The following CELA3B variants were observed in gnomAD, a reference collection of about 807,000 sequenced individuals.
CELA3B encodes chymotrypsin like elastase 3B, also known as chymotrypsin-like elastase family member 3B.
A neutral mutation model predicts 37.2 loss-of-function variants in CELA3B; 34 were observed. That is an observed-to-expected ratio of 0.91 (90% CI 0.70 to 1.22). The LOEUF (loss-of-function observed/expected upper bound fraction) is 1.22. Ranked by LOEUF, CELA3B falls within the 50% of genes most tolerant of loss-of-function variation. CELA3B has a pLI of 0.00. For missense variants in CELA3B, 340 were observed against 363.1 expected (o/e 0.94, Z 0.52); for synonymous variants, 127 against 143.5 (o/e 0.89, Z 0.82).
chr1:21,981,089 G>A lies in CELA3B; in HGVS notation c.279G>A (p.Lys93=), dbSNP rs115521366. Residue 93 remains lysine (K), a synonymous_variant, in exon 4 of 8, where the codon AAG becomes AAA. Coordinates refer to ENST00000337107, the MANE Select transcript of CELA3B (RefSeq NM_007352.4). ...TGGGCGAGTACGACCGTGCTGTGAA[G>A]GAGGGCCCCGAGCAGGTGATCCCCA... ...VVLGEYDRAV[K]EGPEQVIPIN... 3.1e-6 allele frequency: 5 copies of A among 1,613,794 alleles called. No individual in the cohort carries two copies. The highest frequency in any genetic ancestry group is 4.5e-5 in the East Asian group (2 of 44,878).
At chr1:21,983,644 A>G in intron 4 of CELA3B, 50 bp from the exon 5 acceptor site, 1 of 1,601,626 alleles carries the variant, frequency 6.2e-7, no homozygotes, top group Non-Finnish European at 8.5e-7. Flanking sequence ...GGAAGGTAGG[A>G]CTTGGGCCGG....
rs1414689428 is a variant in CELA3B, at chr1:21,978,570, C to T, written c.129+116C>T. On this transcript the variant is annotated intron_variant, in intron 2 of 7. Transcript: ENST00000337107. ...CCTTTGCAATGTCCACTTCAGCTTC[C>T]AAAGACCAGGCAGCCCTTGGACCAT... The T allele has an allele frequency of 3.1e-6, 4 of 1,288,434 alleles. No individual in the cohort carries two copies. The South Asian group carries it at 3.7e-5, about 12-fold the overall frequency. The allele number at this position is 1,288,434 out of a possible 1,614,324, so 79.8% of individuals were successfully genotyped here. A position where few individuals can be genotyped will look rare whatever the true frequency, so the allele number is the denominator to read the frequency against.
At chr1:21,991,795 T>C (rs1644869930), downstream of CELA3B, among the ~76,000 whole-genome samples, 1 of 150,414 alleles carries the variant, frequency 6.6e-6, no homozygotes, top group South Asian at 2.1e-4. Flanking sequence ...GCTGAAAGAG[T>C]TGGCTAAACA....
At chr1:21,978,664 G>T (rs540610201) in intron 2 of CELA3B, among the ~76,000 whole-genome samples, 2 of 152,290 alleles carry the variant, frequency 1.3e-5, no homozygotes, top group East Asian at 3.9e-4. Flanking sequence ...CTTAAAAGTG[G>T]AATCGGGGGT....
At chr1:21,986,761 C>G in intron 7 of CELA3B, 78 bp downstream of exon 7, 1 of 1,493,410 alleles carries the variant, frequency 6.7e-7, no homozygotes, top group Non-Finnish European at 9.0e-7. Context: ...ACATCGGATC[C>G]TGGGGAGGGC....
In CELA3B at chr1:21,983,729, C is replaced by A; in HGVS notation, c.398C>A (p.Ala133Asp). The change falls in exon 5 of 8, where the codon GCC becomes GAC. Residue 133 changes from alanine (A) to aspartate (D), a missense_variant. Physicochemically the swap from Ala to Asp is moderately radical, Grantham distance 126. Transcript: ENST00000337107. ...GCCCTCATCAAGCTCTCACGCAGCG[C>A]CCAGCTGGGAGACGCCGTCCAGCTC... The part of the protein sequence containing the change: ...DIALIKLSRS[A>D]QLGDAVQLAS... 6.2e-7 allele frequency: 1 copy of A among 1,614,146 alleles called. No individual in the cohort carries two copies. Among genetic ancestry groups the A allele is most frequent in the Non-Finnish European group, 8.5e-7 (1 of 1,180,026 alleles).
At chr1:21,986,442 T>A in intron 6 of CELA3B, 89 bp from the exon 7 acceptor site, 1 of 1,531,516 alleles carries the variant, frequency 6.5e-7, no homozygotes, top group South Asian at 1.2e-5. Context: ...TCAGGTAATG[T>A]CGGAGTTTCT....
intron 4 of CELA3B, among the ~76,000 whole-genome samples, chr1:21,996,070 G>A (rs891339828): frequency 8.6e-5 from 13 of 151,094 alleles, no homozygotes; most frequent in East Asian, 5.9e-4. Flanking sequence ...AAAATTAGCC[G>A]GGCGTGGTGG....
At chr1:21,979,955 A>G (rs1254313641) in intron 2 of CELA3B, among the ~76,000 whole-genome samples, 5 of 87,580 alleles carry the variant, frequency 5.7e-5, no homozygotes, top group African/African-American at 1.5e-4. Flanking sequence ...CCATGGTAGC[A>G]TGAAAGCAGA....
Position 21,995,423 on chromosome 1 carries a change from A to T in CELA3B, c.505-2728A>T, listed in dbSNP as rs886884601. The stretch of plus-strand genomic sequence containing the variant: ...AAAGTGCTAGGATTACAGGCATGAG[A>T]CACTGCACCCTGCTTGTTAAGAGGA... On this transcript the variant is annotated intron_variant, in intron 4 of 4. Transcript: ENST00000400277. 3.6e-4 allele frequency among the ~76,000 whole-genome samples: 54 copies of T among 151,098 alleles called. 3 individuals are homozygous for T. Among genetic ancestry groups the T allele is most frequent in the African/African-American group, 1.2e-3 (50 of 40,806 alleles).
intron 2 of CELA3B, among the ~76,000 whole-genome samples, chr1:21,979,132 GCACA>G (rs772444455): frequency 0.95 from 143,215 of 151,362 alleles, 68,097 homozygotes; most frequent in Non-Finnish European, 0.99. Flanking sequence ...AAGTGCAATG[GCACA>G]ATCTTGGCTC....
chr1:21,978,405 GC>G lies in CELA3B; in HGVS notation c.82del (p.Arg28AlafsTer42). 3.1e-6 allele frequency: 5 copies of G among 1,614,060 alleles called. No individual in the cohort carries two copies. The highest frequency in any genetic ancestry group is 4.2e-6 in the Non-Finnish European group (5 of 1,179,934). On this transcript the variant is annotated frameshift_variant, in exon 2 of 8. Coordinates refer to ENST00000337107, the MANE Select transcript of CELA3B (RefSeq NM_007352.4). LOFTEE classifies it high-confidence loss of function. ...GYGPPSSRPS[S>X]RVVNGEDAVP... ...GGCCCACCTTCCTCTCGCCCTTCCAGCCGCGTTGTCAATGGTGAGGATGCGG... is the reference window on the plus strand; with the variant it reads ...GGCCCACCTTCCTCTCGCCCTTCCAGCGCGTTGTCAATGGTGAGGATGCGG...
chr1:21,985,383 T>C (rs375968952), intron 6 of CELA3B, among the ~76,000 whole-genome samples: 1,811 of 150,620 alleles, frequency 0.012, 44 homozygotes, highest in African/African-American at 0.041. Flanking sequence ...GCTCAAGCAA[T>C]CCTCCCATGT....
intron 4 of CELA3B, among the ~76,000 whole-genome samples, chr1:21,995,000 C>CAA (rs61509449): frequency 8.0e-4 from 43 of 53,992 alleles, no homozygotes; most frequent in East Asian, 2.4e-3. Flanking sequence ...AGACTTGTCT[C>CAA]AAAAAAAAAA....
intron 7 of CELA3B, among the ~76,000 whole-genome samples, chr1:21,987,233 T>A (rs1392815300): frequency 6.6e-5 from 10 of 150,426 alleles, no homozygotes; most frequent in African/African-American, 2.5e-4. Flanking sequence ...GGCAGGTGGA[T>A]CACAAGGTCA....
At chr1:21,989,059 TA>T (rs1644857419) in intron 7 of CELA3B, among the ~76,000 whole-genome samples, 1 of 151,916 alleles carries the variant, frequency 6.6e-6, no homozygotes, top group Non-Finnish European at 1.5e-5. Flanking sequence ...GAGAGAACCT[TA>T]GTTAACAATT....
intron 4 of CELA3B, among the ~76,000 whole-genome samples, chr1:21,995,985 G>C (rs1229971802): frequency 2.0e-5 from 3 of 149,876 alleles, no homozygotes; most frequent in Non-Finnish European, 3.0e-5. Context: ...AGGCTGAGGC[G>C]GGCAGATCAC....
intron 1 of CELA3B, 63 bp from the exon 2 acceptor site, chr1:21,978,306 C>T (rs1461464369): frequency 6.3e-6 from 10 of 1,590,830 alleles, no homozygotes; most frequent in Non-Finnish European, 8.6e-6. Context: ...GGACTGGGAC[C>T]CTGGCCTCCT....
At position 21,986,687 on chromosome 1, in the gene CELA3B, A is replaced by T; in HGVS notation, c.795+4A>T. On this transcript the variant is annotated splice_donor_region_variant and intron_variant, in intron 7 of 7. Coordinates refer to ENST00000337107, the MANE Select transcript of CELA3B (RefSeq NM_007352.4). ...CTTCATTGACTGGATTGAGGAGGTG[A>T]GGAGGGCAGGGCGGCCCGGAGGGCT... is the stretch of plus-strand genomic sequence containing the variant. The T allele has an allele frequency of 1.9e-6, 3 of 1,612,606 alleles. No individual in the cohort carries two copies. Among genetic ancestry groups the T allele is most frequent in the Non-Finnish European group, 2.5e-6 (3 of 1,179,546 alleles).
Sources: gnomAD v4.1 joint callset for allele counts (sites outside exome capture counted in the v4.1 genomes callset) on GRCh38, gnomAD v4.1.1 for gene constraint, MANE v1.5 for transcripts, NCBI Gene and HGNC (gene_info 2026-07-23, HGNC 2026-07-21) for gene names.